Variants in OPCML observed in about 807,000 individuals in gnomAD.
OPCML encodes opioid-binding protein/cell adhesion molecule.
Under a neutral mutation model 37.8 loss-of-function variants are expected in OPCML, and 13 were observed. The ratio of observed to expected loss-of-function variants is 0.34; its 90% CI spans 0.22 to 0.55. The LOEUF (loss-of-function observed/expected upper bound fraction) is 0.55, where lower values mean the gene tolerates loss of function less well. Ranked by LOEUF, OPCML falls within the 20% of genes least tolerant of loss-of-function variation. OPCML has a pLI of 0.91. For synonymous variants in OPCML, 176 were observed against 168.8 expected (o/e 1.04, Z -0.33); for missense variants, 341 against 435.6 (o/e 0.78, Z 1.93).
At chr11:132,798,708 G>T (rs1477594421) in intron 2 of OPCML, among the ~76,000 whole-genome samples, 1 of 152,106 alleles carries the variant, frequency 6.6e-6, no homozygotes, top group African/African-American at 2.4e-5. Context: ...GTTCTTTATG[G>T]GATCTAGCAA....
intron 1 of OPCML, among the ~76,000 whole-genome samples, chr11:133,207,876 A>G (rs1939164221): frequency 6.6e-6 from 1 of 151,936 alleles, no homozygotes; most frequent in Non-Finnish European, 1.5e-5. Flanking sequence ...CTCACACTCT[A>G]CTGTGGACTT....
chr11:132,441,330 G>T (rs1038139495), intron 4 of OPCML, among the ~76,000 whole-genome samples: 1 of 150,650 alleles, frequency 6.6e-6, no homozygotes, highest in African/African-American at 2.5e-5. Flanking sequence ...ACTACGCCCG[G>T]CTAATTTTTT....
chr11:133,458,533 ATACACATATATACACGTGTGTGTG>A, intron 1 of OPCML, among the ~76,000 whole-genome samples: 1 of 108,298 alleles, frequency 9.2e-6, no homozygotes, highest in Admixed American at 8.1e-5. Flanking sequence ...CTGTGTGTGT[ATACACATATATACACGTGTGTGTG>A]TATACACATA....
intron 1 of OPCML, among the ~76,000 whole-genome samples, chr11:133,456,708 C>G (rs1403700254): frequency 6.7e-6 from 1 of 148,394 alleles, no homozygotes; most frequent in Non-Finnish European, 1.5e-5. Context: ...ATAATAATAT[C>G]AACAAAGAGA....
intron 1 of OPCML, among the ~76,000 whole-genome samples, chr11:132,992,439 C>G (rs978294778): frequency 3.9e-5 from 6 of 152,088 alleles, no homozygotes; most frequent in African/African-American, 1.4e-4. Context: ...ATTTCATTAT[C>G]TCATTAATTC....
At chr11:133,247,565 T>TTTCTTTCTTTCTTTCTTTCC (rs1940978391) in intron 1 of OPCML, among the ~76,000 whole-genome samples, 4 of 149,000 alleles carry the variant, frequency 2.7e-5, no homozygotes, top group Admixed American at 2.1e-4. Context: ...TCTTTCTTTC[T>TTTCTTTCTTTCTTTCTTTCC]TTCTTTCTTT....
At chr11:132,630,440 C>G (rs1940028980) in intron 3 of OPCML, among the ~76,000 whole-genome samples, 1 of 151,926 alleles carries the variant, frequency 6.6e-6, no homozygotes, top group South Asian at 2.1e-4. Flanking sequence ...TGCCTGTAAC[C>G]CCATTAAAAC....
At chr11:133,223,706 ATTGTT>A (rs936597138) in intron 1 of OPCML, among the ~76,000 whole-genome samples, 3 of 152,176 alleles carry the variant, frequency 2.0e-5, no homozygotes, top group African/African-American at 7.2e-5. Flanking sequence ...AGATGTTTCC[ATTGTT>A]TTGTTTTGTT....
intron 1 of OPCML, among the ~76,000 whole-genome samples, chr11:133,254,656 A>G (rs1941252918): frequency 6.6e-6 from 1 of 152,180 alleles, no homozygotes; most frequent in Non-Finnish European, 1.5e-5. Context: ...ACTGCATTTG[A>G]ATTTATGCCT....
chr11:132,419,665 A>C lies in OPCML; in HGVS notation c.*528T>G, dbSNP rs2095950602. 6.5e-6 allele frequency: 1 copy of C among 153,412 alleles called. No individual in the cohort carries two copies. 9.5% of individuals were successfully genotyped at this position (153,412 alleles called of 1,614,324 possible). A position where few individuals can be genotyped will look rare whatever the true frequency, so the allele number is the denominator to read the frequency against. On this transcript the variant is annotated 3_prime_UTR_variant, in exon 8 of 8. Coordinates refer to ENST00000524381, the MANE Select transcript of OPCML (RefSeq NM_001012393.5). ...ATAGTAGGATAGTGTCCCAGAAAGA[A>C]AAGACGTGAACCCTAATGGAATTAG...
intron 1 of OPCML, among the ~76,000 whole-genome samples, chr11:133,243,916 G>A (rs932167294): frequency 6.6e-5 from 10 of 152,222 alleles, no homozygotes; most frequent in African/African-American, 2.2e-4. Flanking sequence ...GGAGGTGGGC[G>A]AGGGAGCTGC....
chr11:132,455,110 C>A (rs2096078271), intron 4 of OPCML, among the ~76,000 whole-genome samples: 1 of 152,226 alleles, frequency 6.6e-6, no homozygotes, highest in Non-Finnish European at 1.5e-5. Context: ...TTATCTAAAT[C>A]CCATGCTCCT....
chr11:132,965,180 C>T (rs972396209), intron 1 of OPCML, among the ~76,000 whole-genome samples: 7 of 152,180 alleles, frequency 4.6e-5, no homozygotes, highest in Admixed American at 3.9e-4. Context: ...TATTCGTCCT[C>T]GCCAGCCTCA....
chr11:133,116,153 G>A (rs1376929191), intron 1 of OPCML, among the ~76,000 whole-genome samples: 1 of 152,046 alleles, frequency 6.6e-6, no homozygotes, highest in African/African-American at 2.4e-5. Context: ...ATTTTTAGTA[G>A]AGACAGGGTT....
intron 2 of OPCML, among the ~76,000 whole-genome samples, chr11:132,725,002 A>C (rs977093721): frequency 2.0e-5 from 3 of 152,100 alleles, no homozygotes; most frequent in Non-Finnish European, 4.4e-5. Flanking sequence ...TGAGTGTCTG[A>C]GGCTTTTCCA....
At chr11:132,722,237 G>A (rs1474007596) in intron 2 of OPCML, among the ~76,000 whole-genome samples, 1 of 147,954 alleles carries the variant, frequency 6.8e-6, no homozygotes, top group Non-Finnish European at 1.5e-5. Context: ...TTACAGGCGT[G>A]AACCACCACG....
chr11:133,184,228 G>A lies in OPCML; in HGVS notation c.62-241218C>T, dbSNP rs1937969100. Among the ~76,000 whole-genome samples, 3 of 152,194 alleles carry A rather than the reference G, an allele frequency of 2.0e-5. No homozygotes were observed. The South Asian group carries it at 6.2e-4, about 31-fold the overall frequency. On this transcript the variant is annotated intron_variant, in intron 1 of 7. Transcript: ENST00000524381. ...GCCCACTGTAATAAGACACCACTAG[G>A]TATTTGGGGAGATAGGGTGGTGAAT...
intron 2 of OPCML, among the ~76,000 whole-genome samples, chr11:132,803,733 T>G (rs1938825973): frequency 6.6e-6 from 1 of 152,186 alleles, no homozygotes; most frequent in African/African-American, 2.4e-5. Flanking sequence ...GAGCTAAAAC[T>G]ACCTAGTGAC....
chr11:132,921,763 G>A (rs1280588570), intron 2 of OPCML, among the ~76,000 whole-genome samples: 1 of 152,176 alleles, frequency 6.6e-6, no homozygotes, highest in Non-Finnish European at 1.5e-5. Flanking sequence ...TGGGGCTGCT[G>A]CAGTCATCTT....
Sources: gnomAD v4.1 joint callset for allele counts (sites outside exome capture counted in the v4.1 genomes callset) on GRCh38, gnomAD v4.1.1 for gene constraint, MANE v1.5 for transcripts, NCBI Gene and HGNC (gene_info 2026-07-23, HGNC 2026-07-21) for gene names.